Variants in AFMID observed in about 807,000 individuals in gnomAD.
The protein encoded by AFMID is kynurenine formamidase.
In AFMID, 39 loss-of-function variants were observed where a neutral mutation model predicts 47.5. The ratio of observed to expected loss-of-function variants is 0.82; its 90% CI spans 0.64 to 1.07. The LOEUF is 1.07. Among genes scored for constraint, AFMID ranks in the 50% least tolerant of loss-of-function variants. The pLI is 0.00. For synonymous variants in AFMID, 130 were observed against 153.2 expected (o/e 0.85, Z 1.12); for missense variants, 375 against 387.5 (o/e 0.97, Z 0.27).
intron 1 of AFMID, among the ~76,000 whole-genome samples, chr17:78,189,525 T>C (rs1306984640): frequency 8.9e-6 from 1 of 111,928 alleles, no homozygotes; most frequent in African/African-American, 4.5e-5. Flanking sequence ...GCCCAGTGTT[T>C]TGTTTTTTTT....
Position 78,192,949 on chromosome 17 carries a change from C to T in AFMID, c.154+1889C>T, listed in dbSNP as rs139936779. Among the ~76,000 whole-genome samples the T allele has an allele frequency of 4.1e-3, 630 of 152,278 alleles. 4 individuals are homozygous for T. Among genetic ancestry groups the T allele is most frequent in the African/African-American group, 0.014 (591 of 41,544 alleles). The stretch of plus-strand genomic sequence containing the variant: ...TTAGAAGTGTATTCCAGCAATTCCA[C>T]CATCCTCCTGTCTCAATAGATTGGG... On this transcript the variant is annotated intron_variant, in intron 2 of 10. Transcript: ENST00000409257.
chr17:78,195,615 GC>G (rs2076092895), intron 2 of AFMID, among the ~76,000 whole-genome samples: 1 of 151,194 alleles, frequency 6.6e-6, no homozygotes, highest in Admixed American at 6.6e-5. Context: ...CAGTTCTCCT[GC>G]CTTGGCCTCC....
intron 2 of AFMID, among the ~76,000 whole-genome samples, chr17:78,192,226 G>A (rs909983784): frequency 3.4e-5 from 5 of 145,626 alleles, no homozygotes; most frequent in Non-Finnish European, 6.0e-5. Flanking sequence ...GGTCAGGCTG[G>A]TCTTGAACTC....
intron 1 of AFMID, among the ~76,000 whole-genome samples, chr17:78,189,968 A>C (rs563629335): frequency 6.7e-6 from 1 of 149,958 alleles, no homozygotes; most frequent in African/African-American, 2.5e-5. Flanking sequence ...AGTAGCTGGG[A>C]TTACAGGCGC....
rs575766084 is a variant in AFMID, at chr17:78,207,207, C to T, written c.*270C>T. ...GATGCCCGGAGCTGCCTCTTAGACT[C>T]GTCTGGCCCATCTACCTGCTGACAG... On this transcript the variant is annotated 3_prime_UTR_variant, in exon 11 of 11. Coordinates refer to ENST00000409257, the MANE Select transcript of AFMID (RefSeq NM_001010982.5). The T allele has an allele frequency of 1.1e-5, 5 of 471,596 alleles. No individual in the cohort carries two copies. The highest frequency in any genetic ancestry group is 8.4e-5 in the East Asian group (2 of 23,746). The allele number at this position is 471,596 out of a possible 1,614,324, so 29.2% of individuals were successfully genotyped here. A position where few individuals can be genotyped will look rare whatever the true frequency, so the allele number is the denominator to read the frequency against.
At chr17:78,188,432 T>C (rs1203396253) in intron 1 of AFMID, among the ~76,000 whole-genome samples, 1 of 152,174 alleles carries the variant, frequency 6.6e-6, no homozygotes, top group Non-Finnish European at 1.5e-5. Flanking sequence ...CATGCCTTCT[T>C]TTTTTGAGAC....
chr17:78,191,961 C>CAG (rs2075980509), intron 2 of AFMID, among the ~76,000 whole-genome samples: 1 of 151,812 alleles, frequency 6.6e-6, no homozygotes, highest in Non-Finnish European at 1.5e-5. Flanking sequence ...GCTGGGATTA[C>CAG]AGGCATGAGC....
At chr17:78,191,312 C>T (rs1487425219) in intron 2 of AFMID, among the ~76,000 whole-genome samples, 2 of 152,178 alleles carry the variant, frequency 1.3e-5, no homozygotes, top group Non-Finnish European at 2.9e-5. Context: ...CTTTCTTGCT[C>T]AGCCATCCAT....
chr17:78,191,280 G>A (rs1206045887), intron 2 of AFMID, among the ~76,000 whole-genome samples: 1 of 152,128 alleles, frequency 6.6e-6, no homozygotes, highest in Non-Finnish European at 1.5e-5. Context: ...GGAGGTCCAC[G>A]GCTCAGTCGA....
At chr17:78,191,733 A>G (rs1285338414) in intron 2 of AFMID, among the ~76,000 whole-genome samples, 1 of 146,452 alleles carries the variant, frequency 6.8e-6, no homozygotes, top group Non-Finnish European at 1.5e-5. Context: ...TCTGTTGCCC[A>G]GGCTGGAGTG....
chr17:78,202,116 G>A (rs2076259623), intron 2 of AFMID, among the ~76,000 whole-genome samples: 2 of 151,708 alleles, frequency 1.3e-5, no homozygotes, highest in Admixed American at 1.3e-4. Context: ...GTTTCTACCT[G>A]AGCTGAAATA....
chr17:78,201,675 C>T (rs2076245708), intron 2 of AFMID, among the ~76,000 whole-genome samples: 1 of 152,068 alleles, frequency 6.6e-6, no homozygotes, highest in African/African-American at 2.4e-5. Context: ...GTAGTAAAGT[C>T]GTGCTGAAAA....
chr17:78,203,659 G>A (rs1445013820), intron 4 of AFMID: 1 of 152,154 alleles, frequency 6.6e-6, no homozygotes, highest in Non-Finnish European at 1.5e-5. Context: ...GGGAATTTGG[G>A]ATCTTGGCAG....
chr17:78,189,110 T>C (rs1227166035), intron 1 of AFMID, among the ~76,000 whole-genome samples: 1 of 152,024 alleles, frequency 6.6e-6, no homozygotes, highest in Non-Finnish European at 1.5e-5. Context: ...AGTAAGTAAG[T>C]GAGGGAGGTC....
At position 78,205,758 on chromosome 17, in the gene AFMID, G is replaced by T; in HGVS notation, c.780+20G>T. Reference sequence around the variant, plus strand: ...TACCAGGTACTCCCAGTGCAGGTTTGTGGCCAGAGGTCGAGGGTCATGTGG... The same window carrying T: ...TACCAGGTACTCCCAGTGCAGGTTTTTGGCCAGAGGTCGAGGGTCATGTGG... On this transcript the variant is annotated intron_variant, in intron 9 of 10. Coordinates refer to ENST00000409257, the MANE Select transcript of AFMID (RefSeq NM_001010982.5). 4 of 1,607,268 alleles carry T rather than the reference G, an allele frequency of 2.5e-6. No homozygotes were observed. Among genetic ancestry groups the T allele is most frequent in the South Asian group, 1.1e-5 (1 of 91,070 alleles).
intron 7 of AFMID, 110 bp downstream of exon 7, chr17:78,205,300 G>A (rs1000291354): frequency 3.5e-6 from 5 of 1,421,294 alleles, no homozygotes; most frequent in Non-Finnish European, 4.9e-6. Context: ...TGACCGCAGG[G>A]CTTCGAGCCC....
rs2076370075 is a variant in AFMID at position 78,205,966 on chromosome 17, G to C, written c.801G>C (p.Trp267Cys). ...CCCAGACCCTGTGTCAAGGAGAGTG[G>C]AAAGCCTCATTTGAAGAGCTCCACG... Reference protein sequence around the residue: ...EFYQTLCQGEWKASFEELHDV... With the variant: ...EFYQTLCQGECKASFEELHDV... Residue 267 changes from tryptophan (W) to cysteine (C), a missense_variant, in exon 10 of 11, where the codon TGG (tryptophan) becomes TGC (cysteine). By Grantham distance (215) the Trp-to-Cys change is radical (BLOSUM62 -2). Coordinates refer to ENST00000409257, the MANE Select transcript of AFMID (RefSeq NM_001010982.5). The C allele has an allele frequency of 6.2e-7, 1 of 1,613,930 alleles. No individual in the cohort carries two copies. Among genetic ancestry groups the C allele is most frequent in the African/African-American group, 1.3e-5 (1 of 74,886 alleles).
At position 78,204,829 on chromosome 17, in the gene AFMID, C is replaced by G; in HGVS notation, c.396C>G (p.Gly132=). Residue 132 remains glycine, a splice_region_variant and synonymous_variant, in exon 6 of 11, where the codon GGC becomes GGG. Coordinates refer to ENST00000409257, the MANE Select transcript of AFMID (RefSeq NM_001010982.5). ...VIVAYGIAPK[G]TLDHMVDQVT... ...ACCCAGCTCATGCTCTCTGTGCAGG[C>G]ACCCTGGACCACATGGTAGACCAGG... 6.2e-7 allele frequency: 1 copy of G among 1,614,258 alleles called. No individual in the cohort carries two copies. Among genetic ancestry groups the G allele is most frequent in the Non-Finnish European group, 8.5e-7 (1 of 1,180,050 alleles).
intron 2 of AFMID, 96 bp from the exon 3 acceptor site, chr17:78,202,403 T>C (rs2076267556): frequency 8.0e-7 from 1 of 1,247,360 alleles, no homozygotes; most frequent in African/African-American, 1.5e-5. Context: ...CACTCCAGCT[T>C]GGGCAACAGA....
Sources: allele counts gnomAD v4.1 joint callset (sites outside exome capture counted in the v4.1 genomes callset), GRCh38; gene constraint gnomAD v4.1.1; transcripts MANE v1.5; gene names NCBI Gene and HGNC (gene_info 2026-07-23, HGNC 2026-07-21).